The following KANK1 variants were observed in gnomAD, a reference collection of about 807,000 sequenced individuals.
KANK1 encodes the protein KN motif and ankyrin repeat domain-containing protein 1.
Under a neutral mutation model 106.2 loss-of-function variants are expected in KANK1, and 109 were observed. That is an observed-to-expected ratio of 1.03 (90% CI 0.88 to 1.20). KANK1 has a LOEUF of 1.20. Among genes scored for constraint, KANK1 ranks in the 50% most tolerant of loss-of-function variants. KANK1 has a pLI of 0.00. For synonymous variants in KANK1, 873 were observed against 652.2 expected, an observed-to-expected ratio of 1.34 and a Z score of -5.16; for missense variants, 2,399 against 1,710.7, an observed-to-expected ratio of 1.40 and a Z score of -7.10.
chr9:495,220 T>C (rs540725796), intron 3 of KANK1: 1 of 152,392 alleles, frequency 6.6e-6, no homozygotes, highest in South Asian at 2.1e-4. Flanking sequence ...TATGAGTTTC[T>C]GCCTCCTTCT....
chr9:718,243 C>CT (rs1828257129), intron 3 of KANK1, among the ~76,000 whole-genome samples: 1 of 149,310 alleles, frequency 6.7e-6, no homozygotes, highest in South Asian at 2.1e-4. Context: ...AGTGGAAGGC[C>CT]TAGAAGTCAG....
At chr9:726,050 C>G (rs192929201) in intron 3 of KANK1, among the ~76,000 whole-genome samples, 1 of 152,116 alleles carries the variant, frequency 6.6e-6, no homozygotes, top group Non-Finnish European at 1.5e-5. Flanking sequence ...CCTGTATATC[C>G]TTCCATGATT....
intron 1 of KANK1, among the ~76,000 whole-genome samples, chr9:631,453 G>A (rs762494954): frequency 3.9e-5 from 6 of 152,028 alleles, no homozygotes; most frequent in South Asian, 2.1e-4. Flanking sequence ...GCCATCCCAC[G>A]CACTGAGGCT....
intron 3 of KANK1, among the ~76,000 whole-genome samples, chr9:477,287 C>G (rs191600917): frequency 6.9e-6 from 1 of 144,458 alleles, no homozygotes; most frequent in Non-Finnish European, 1.5e-5. Flanking sequence ...GAGATTGTTA[C>G]AGCAGGAATG....
At chr9:479,163 T>C (rs1031362943) in intron 3 of KANK1, among the ~76,000 whole-genome samples, 1 of 152,258 alleles carries the variant, frequency 6.6e-6, no homozygotes, top group African/African-American at 2.4e-5. Flanking sequence ...TATCGTGCTC[T>C]TTGTAAAATT....
At chr9:579,231 C>T (rs542956724) in intron 1 of KANK1, among the ~76,000 whole-genome samples, 3 of 152,096 alleles carry the variant, frequency 2.0e-5, no homozygotes, top group Admixed American at 6.5e-5. Flanking sequence ...TCCCTCTGCC[C>T]CCAGTGTGGG....
intron 1 of KANK1, among the ~76,000 whole-genome samples, chr9:581,550 G>T (rs1425003517): frequency 1.3e-5 from 2 of 152,196 alleles, no homozygotes; most frequent in African/African-American, 2.4e-5. Flanking sequence ...TTGGTAATGG[G>T]TTAATTTGAA....
intron 1 of KANK1, among the ~76,000 whole-genome samples, chr9:651,076 G>C (rs757484569): frequency 1.3e-5 from 2 of 152,150 alleles, no homozygotes; most frequent in African/African-American, 2.4e-5. Context: ...TTCACAAAAA[G>C]TCCTCATCTG....
At chr9:575,372 T>A (rs1820269379) in intron 1 of KANK1, among the ~76,000 whole-genome samples, 1 of 152,138 alleles carries the variant, frequency 6.6e-6, no homozygotes, top group Non-Finnish European at 1.5e-5. Flanking sequence ...CTGTTTTATA[T>A]AATAGATTAC....
chr9:525,434 C>T (rs6476943), intron 1 of KANK1, among the ~76,000 whole-genome samples: 64,379 of 150,184 alleles, frequency 0.43, 16,565 homozygotes, highest in African/African-American at 0.71. Flanking sequence ...AAGTGAAGTG[C>T]AGTGGCATGA....
intron 11 of KANK1, 56 bp downstream of exon 11, chr9:744,645 AC>A: frequency 6.2e-7 from 1 of 1,613,244 alleles, no homozygotes; most frequent in South Asian, 1.1e-5. Flanking sequence ...AGACTGGTGG[AC>A]CCCCTTCCTC....
At chr9:656,969 A>T in intron 1 of KANK1, among the ~76,000 whole-genome samples, 1 of 152,154 alleles carries the variant, frequency 6.6e-6, no homozygotes, top group Non-Finnish European at 1.5e-5. Flanking sequence ...TGTATGCACA[A>T]TGCCATGACA....
At chr9:570,803 G>A (rs757220849) in intron 1 of KANK1, among the ~76,000 whole-genome samples, 1 of 152,058 alleles carries the variant, frequency 6.6e-6, no homozygotes, top group African/African-American at 2.4e-5. Flanking sequence ...TTTAAGACCC[G>A]TTGGCTTAGT....
chr9:743,213 A>G (rs1011635072), intron 10 of KANK1, among the ~76,000 whole-genome samples: 2 of 152,208 alleles, frequency 1.3e-5, no homozygotes, highest in African/African-American at 4.8e-5. Flanking sequence ...CTTTAGCTCA[A>G]AACACCAAAA....
At chr9:479,587 G>A (rs10815059) in intron 3 of KANK1, among the ~76,000 whole-genome samples, 1 of 152,122 alleles carries the variant, frequency 6.6e-6, no homozygotes, top group East Asian at 1.9e-4. Flanking sequence ...CCAGCATCTT[G>A]ATTCAGATTG....
intron 1 of KANK1, among the ~76,000 whole-genome samples, chr9:585,954 G>C (rs1041557479): frequency 1.3e-5 from 2 of 152,188 alleles, no homozygotes; most frequent in Non-Finnish European, 2.9e-5. Context: ...TTATCACTAG[G>C]GATGTAGATG....
At chr9:556,080 TAC>T (rs940551784) in intron 1 of KANK1, among the ~76,000 whole-genome samples, 1 of 152,212 alleles carries the variant, frequency 6.6e-6, no homozygotes, top group Admixed American at 6.5e-5. Context: ...CTTCTTTCTC[TAC>T]AGTCTGTTTT....
At chr9:652,132 G>A (rs148154101) in intron 1 of KANK1, among the ~76,000 whole-genome samples, 7 of 152,116 alleles carry the variant, frequency 4.6e-5, no homozygotes, top group African/African-American at 1.7e-4. Context: ...TTCATTTCTT[G>A]TAATTTACCC....
At chr9:500,656 A>C (rs1207292733), upstream of KANK1, among the ~76,000 whole-genome samples, 1 of 152,262 alleles carries the variant, frequency 6.6e-6, no homozygotes, top group Non-Finnish European at 1.5e-5. Context: ...GATTTATCAG[A>C]AAACGAAAAG....
Sources: allele counts gnomAD v4.1 joint callset (sites outside exome capture counted in the v4.1 genomes callset), GRCh38; gene constraint gnomAD v4.1.1; transcripts MANE v1.5; gene names NCBI Gene and HGNC (gene_info 2026-07-23, HGNC 2026-07-21).